Variants in RSRP1 observed in about 807,000 individuals in gnomAD.
RSRP1 encodes the protein arginine and serine rich protein 1, also known as arginine/serine-rich protein 1.
RSRP1 carries 37 observed loss-of-function variants against 33.0 expected under a neutral mutation model. The observed-to-expected ratio is 1.12, with a 90% CI of 0.86 to 1.48. RSRP1 has a LOEUF of 1.48. Among genes scored for constraint, RSRP1 ranks in the 40% most tolerant of loss-of-function variants. The pLI is 0.00. For missense variants in RSRP1, 402 were observed against 385.3 expected (o/e 1.04, Z -0.36); for synonymous variants, 167 against 158.7 (o/e 1.05, Z -0.40).
At chr1:25,244,939 G>T in intron 3 of RSRP1, 1 of 1,409,964 alleles carries the variant, frequency 7.1e-7, no homozygotes. Context: ...CTCATTACAG[G>T]CATGAGGCAC....
chr1:25,270,945 A>T lies in RSRP1; in HGVS notation c.-66-23916T>A, dbSNP rs527411094. ...AACTTTTTTCTATGCGTGTGCTAAC[A>T]TATTATTTTATAAGAGTGGGAATAT... is the stretch of plus-strand genomic sequence containing the variant. On this transcript the variant is annotated intron_variant, in intron 1 of 1. Coordinates refer to the RSRP1 transcript ENST00000561867. 5.6e-3 allele frequency among the ~76,000 whole-genome samples: 734 copies of T among 130,422 alleles called. 107 individuals are homozygous for T. The highest frequency in any genetic ancestry group is 0.017 in the African/African-American group (641 of 38,326). The allele number at this position is 130,422 out of a possible 152,430, so 85.6% of individuals were successfully genotyped here. A position where few individuals can be genotyped will look rare whatever the true frequency, so the allele number is the denominator to read the frequency against.
At position 25,246,827 on chromosome 1, in the gene RSRP1, T is replaced by C; in HGVS notation, c.137A>G (p.His46Arg). The change falls in exon 2 of 5, where the codon CAT (histidine) becomes CGT (arginine). Residue 46 changes from histidine to arginine, a missense_variant. Transcript: ENST00000243189. ...CGAAAACCGGCTCGAGACGCGGGAATGGGACCGAGAGCTTCTGGAAAAAGA... is the reference window on the plus strand; with the variant it reads ...CGAAAACCGGCTCGAGACGCGGGAACGGGACCGAGAGCTTCTGGAAAAAGA... ...SRSFSRSSRSHSRVSSRFSSR... is the reference protein window; with the variant it reads ...SRSFSRSSRSRSRVSSRFSSR... 1 of 1,613,274 alleles carries C rather than the reference T, an allele frequency of 6.2e-7. No homozygotes were observed. Among genetic ancestry groups the C allele is most frequent in the Non-Finnish European group, 8.5e-7 (1 of 1,179,792 alleles).
chr1:25,322,848 G>A (rs1349207646), intron 1 of RSRP1, among the ~76,000 whole-genome samples: 1 of 126,988 alleles, frequency 7.9e-6, no homozygotes, highest in African/African-American at 2.7e-5. Context: ...TTTATACCTT[G>A]GTTTAGAAAG....
At chr1:25,258,999 A>C (rs1236200557) in intron 1 of RSRP1, among the ~76,000 whole-genome samples, 2 of 152,256 alleles carry the variant, frequency 1.3e-5, no homozygotes, top group Non-Finnish European at 1.5e-5. Context: ...AATAAAATAC[A>C]GCCATGTACC....
chr1:25,321,081 G>A (rs1644672669), intron 1 of RSRP1, among the ~76,000 whole-genome samples: 1 of 130,486 alleles, frequency 7.7e-6, no homozygotes, highest in South Asian at 2.3e-4. Context: ...TTAAAAAGAT[G>A]GGGAAAAGGA....
In RSRP1 at chr1:25,322,493, C is replaced by G. The variant is rs548952521; in HGVS notation, c.-67+15485G>C. Among the ~76,000 whole-genome samples, 21 of 132,206 alleles carry G rather than the reference C, an allele frequency of 1.6e-4. 6 individuals are homozygous for G. In the South Asian group the frequency reaches 3.5e-3, roughly 22 times the overall value. The allele number at this position is 132,206 out of a possible 152,430, so 86.7% of individuals were successfully genotyped here. On this transcript the variant is annotated intron_variant, in intron 1 of 1. Transcript: ENST00000561867. The stretch of plus-strand genomic sequence containing the variant: ...TTCGAGACCAGCCTGGCCAACGTGT[C>G]GAAACCCCATCTCTACTAAAAATAC...
chr1:25,246,710 C>G lies in RSRP1; in HGVS notation c.254G>C (p.Arg85Pro). ...RRYSRSYSRSRSRSRSRRYRE... is the reference protein window; with the variant it reads ...RRYSRSYSRSPSRSRSRRYRE... ...GTAACGGCGGCTGCGGGATCGCGAC[C>G]GGCTCCGCGAGTATGACCGCGAGTA... is the stretch of plus-strand genomic sequence containing the variant. Residue 85 changes from arginine (R) to proline (P), a missense_variant, in exon 2 of 5, where the codon CGG (arginine) becomes CCG (proline). Coordinates refer to ENST00000243189, the MANE Select transcript of RSRP1 (RefSeq NM_020317.5). The G allele has an allele frequency of 1.9e-6, 3 of 1,607,380 alleles. No homozygotes were observed. The highest frequency in any genetic ancestry group is 2.6e-6 in the Non-Finnish European group (3 of 1,175,192).
In RSRP1 at chr1:25,290,790, A is replaced by G. The variant is rs762720982; in HGVS notation, c.-66-43761T>C. On this transcript the variant is annotated intron_variant, in intron 1 of 1. Coordinates refer to the RSRP1 transcript ENST00000561867. ...AGGATGGTCATCAGTAATATCTTCA[A>G]CGTGAGTCATGGTGCTGGGAGGAGG... 5.4e-5 allele frequency: 75 copies of G among 1,376,176 alleles called. 16 individuals are homozygous for G. The highest frequency in any genetic ancestry group is 7.4e-5 in the Non-Finnish European group (72 of 977,724). 85.2% of individuals were successfully genotyped at this position (1,376,176 alleles called of 1,614,324 possible).
chr1:25,334,557 T>G (rs1340109764), intron 1 of RSRP1, among the ~76,000 whole-genome samples: 1 of 132,960 alleles, frequency 7.5e-6, no homozygotes, highest in Non-Finnish European at 1.8e-5. Context: ...GGACTGTGTG[T>G]GGGGTCTCTG....
chr1:25,243,975 TA>T, intron 3 of RSRP1: 1 of 1,154,560 alleles, frequency 8.7e-7, no homozygotes, highest in Non-Finnish European at 1.1e-6. Context: ...GTTAGGCACC[TA>T]ATCGTCTGAA....
chr1:25,295,852 T>A (rs1423565484), intron 1 of RSRP1, among the ~76,000 whole-genome samples: 1 of 37,892 alleles, frequency 2.6e-5, no homozygotes, highest in African/African-American at 6.8e-5. Context: ...TATGGGAAAT[T>A]TTTTTTTTTT....
At position 25,322,457 on chromosome 1, in the gene RSRP1, G is replaced by A; in HGVS notation, c.-67+15521C>T. Among the ~76,000 whole-genome samples, 2 of 132,918 alleles carry A rather than the reference G, an allele frequency of 1.5e-5. 1 individual carries two copies. Among genetic ancestry groups the A allele is most frequent in the Non-Finnish European group, 3.6e-5 (2 of 55,952 alleles). The allele number at this position is 132,918 out of a possible 152,430, so 87.2% of individuals were successfully genotyped here. A position where few individuals can be genotyped will look rare whatever the true frequency, so the allele number is the denominator to read the frequency against. On this transcript the variant is annotated intron_variant, in intron 1 of 1. Coordinates refer to the RSRP1 transcript ENST00000561867. The stretch of plus-strand genomic sequence containing the variant: ...GGAGGCTGAGGTGGGGCGATCACCT[G>A]AGGCCAGGAGTTCGAGACCAGCCTG...
intron 3 of RSRP1, chr1:25,244,533 G>A (rs1166217088): frequency 7.8e-7 from 1 of 1,289,152 alleles, no homozygotes; most frequent in Non-Finnish European, 1.0e-6. Context: ...AAACTATACT[G>A]TATATGCTGA....
chr1:25,245,277 GCTATTT>G lies in RSRP1; in HGVS notation c.539_544del (p.Glu180_Ile181del). 6.2e-7 allele frequency: 1 copy of G among 1,613,412 alleles called. No homozygotes were observed. The highest frequency in any genetic ancestry group is 8.5e-7 in the Non-Finnish European group (1 of 1,179,890). ...TAGAGCTTTCGCTGCATTGGTTTTT[GCTATTT>G]CTAACAGCTCCATTCGATCTAAAAA... On this transcript the variant is annotated inframe_deletion, in exon 3 of 5. Coordinates refer to ENST00000243189, the MANE Select transcript of RSRP1 (RefSeq NM_020317.5).
chr1:25,260,892 C>T (rs534375562), intron 1 of RSRP1, among the ~76,000 whole-genome samples: 1 of 151,912 alleles, frequency 6.6e-6, no homozygotes, highest in South Asian at 2.1e-4. Context: ...ACCTCTGCCT[C>T]CCAGGTTCAA....
chr1:25,303,471 G>C lies in RSRP1; in HGVS notation c.-67+34507C>G. The C allele has an allele frequency of 5.8e-6, 8 of 1,378,990 alleles. 3 individuals are homozygous for C. Among genetic ancestry groups the C allele is most frequent in the Non-Finnish European group, 8.2e-6 (8 of 978,732 alleles). 85.4% of individuals were successfully genotyped at this position (1,378,990 alleles called of 1,614,324 possible). On this transcript the variant is annotated intron_variant, in intron 1 of 1. Coordinates refer to the RSRP1 transcript ENST00000561867. ...CCAAGTACCTGCCGGTAAGAAACTAGACAACTAACCTCCTCTGCTTTGGCT... is the reference window on the plus strand; with the variant it reads ...CCAAGTACCTGCCGGTAAGAAACTACACAACTAACCTCCTCTGCTTTGGCT...
intron 1 of RSRP1, among the ~76,000 whole-genome samples, chr1:25,278,219 C>T (rs1255916449): frequency 7.7e-6 from 1 of 129,510 alleles, no homozygotes; most frequent in Non-Finnish European, 1.8e-5. Context: ...AGGCTGGCTG[C>T]AGATGTATGA....
In RSRP1 at chr1:25,301,191, C is replaced by A. The variant is rs1192904098; in HGVS notation, c.-67+36787G>T. The A allele has an allele frequency of 1.7e-5, 19 of 1,103,178 alleles. 5 individuals are homozygous for A. The Admixed American group carries it at 3.3e-4, about 19-fold the overall frequency. The allele number at this position is 1,103,178 out of a possible 1,614,324, so 68.3% of individuals were successfully genotyped here. A position where few individuals can be genotyped will look rare whatever the true frequency, so the allele number is the denominator to read the frequency against. ...AAAATCTCCCTCCTTTACCAAGTTC[C>A]CCTGGGTGTCTGAAGCCCTTCCATC... On this transcript the variant is annotated intron_variant, in intron 1 of 1. Coordinates refer to the RSRP1 transcript ENST00000561867.
chr1:25,312,684 A>G (rs1644210484), intron 1 of RSRP1, among the ~76,000 whole-genome samples: 1 of 127,702 alleles, frequency 7.8e-6, no homozygotes, highest in African/African-American at 2.6e-5. Context: ...CAGGAGTTTG[A>G]GGCTGCAGTG....
Sources: gnomAD v4.1 joint callset for allele counts (sites outside exome capture counted in the v4.1 genomes callset) on GRCh38, gnomAD v4.1.1 for gene constraint, MANE v1.5 for transcripts, NCBI Gene and HGNC (gene_info 2026-07-23, HGNC 2026-07-21) for gene names.